Variants in AEBP2 observed in about 807,000 individuals in gnomAD.
The protein encoded by AEBP2 is zinc finger protein AEBP2.
AEBP2 carries 10 observed loss-of-function variants against 50.8 expected under a neutral mutation model. The observed-to-expected ratio is 0.20, with a 90% confidence interval of 0.12 to 0.33. The LOEUF is 0.33. Ranked by LOEUF, AEBP2 falls within the 10% of genes least tolerant of loss-of-function variation. AEBP2 has a pLI of 1.00. For missense variants in AEBP2, 570 were observed against 688.0 expected, an observed-to-expected ratio of 0.83 and a Z score of 1.92; for synonymous variants, 296 against 261.3, an observed-to-expected ratio of 1.13 and a Z score of -1.28.
chr12:19,510,169 A>T (rs1949213607), intron 5 of AEBP2, among the ~76,000 whole-genome samples: 1 of 152,216 alleles, frequency 6.6e-6, no homozygotes. Context: ...TTCTCCATTT[A>T]TTGGAAATGT....
At chr12:19,491,750 CTG>C (rs1948896998) in intron 3 of AEBP2, among the ~76,000 whole-genome samples, 1 of 151,900 alleles carries the variant, frequency 6.6e-6, no homozygotes. Context: ...AAACATATAA[CTG>C]TTCTGCTAAT....
At chr12:19,417,340 C>T (rs192947342) in intron 1 of AEBP2, among the ~76,000 whole-genome samples, 37 of 152,232 alleles carry the variant, frequency 2.4e-4, no homozygotes, top group African/African-American at 8.2e-4. Context: ...CTGTGATGTT[C>T]TTAAAAGAAT....
At chr12:19,424,260 G>GA (rs1313552215) in intron 1 of AEBP2, among the ~76,000 whole-genome samples, 3 of 152,180 alleles carry the variant, frequency 2.0e-5, no homozygotes, top group Non-Finnish European at 4.4e-5. Context: ...ATGCAACACA[G>GA]AAAAGACTTG....
rs1318683428 is a variant in AEBP2, at chr12:19,417,148, A to T, written c.-17+12932A>T. Among the ~76,000 whole-genome samples, 4 of 152,186 alleles carry T rather than the reference A, an allele frequency of 2.6e-5. No individual in the cohort carries two copies. The East Asian group carries it at 7.8e-4, about 30-fold the overall frequency. ...CAGCCTCCCAAAGTGCTGGGATTAC[A>T]GGCGTAAACCACTGCGCCCGGCCCC... On this transcript the variant is annotated intron_variant, in intron 1 of 3. Transcript: ENST00000538425.
intron 1 of AEBP2, among the ~76,000 whole-genome samples, chr12:19,414,039 G>A (rs1342245692): frequency 7.9e-5 from 12 of 151,824 alleles, no homozygotes; most frequent in South Asian, 2.1e-4. Flanking sequence ...GATTACAGGC[G>A]CCTGCCATCG....
intron 3 of AEBP2, among the ~76,000 whole-genome samples, chr12:19,476,414 T>C (rs894192137): frequency 6.6e-6 from 1 of 152,178 alleles, no homozygotes; most frequent in African/African-American, 2.4e-5. Context: ...TGATCTTGAC[T>C]TACTGCAACC....
Position 19,440,936 on chromosome 12 carries a change from G to A in AEBP2, c.671+566G>A, listed in dbSNP as rs1947946774. Among the ~76,000 whole-genome samples the A allele has an allele frequency of 2.0e-5, 3 of 152,202 alleles. No homozygotes were observed. The South Asian group carries it at 6.2e-4, about 31-fold the overall frequency. On this transcript the variant is annotated intron_variant, in intron 1 of 7. Transcript: ENST00000266508. ...AAATCCCTCATTTGTAGTCAGTCAT[G>A]TGGTCTCCAACGTGATTTTAACAAT...
At chr12:19,410,437 A>G (rs1443976229) in intron 1 of AEBP2, among the ~76,000 whole-genome samples, 2 of 152,114 alleles carry the variant, frequency 1.3e-5, no homozygotes, top group Admixed American at 6.6e-5. Context: ...CTGTCTGCCA[A>G]ATGGTGTAGA....
At chr12:19,494,117 T>A in intron 4 of AEBP2, 131 bp downstream of exon 4, 1 of 980,174 alleles carries the variant, frequency 1.0e-6, no homozygotes, top group Non-Finnish European at 1.5e-6. Context: ...TGCCTGTCTG[T>A]CAGTGAGAGT....
intron 3 of AEBP2, among the ~76,000 whole-genome samples, chr12:19,489,989 A>AAT (rs1322704249): frequency 2.1e-5 from 2 of 95,372 alleles, no homozygotes; most frequent in African/African-American, 4.2e-5. Flanking sequence ...ATTAAAATAA[A>AAT]CTTTTTTTTT....
intron 3 of AEBP2, among the ~76,000 whole-genome samples, chr12:19,486,507 A>G (rs1470346103): frequency 2.6e-5 from 4 of 151,878 alleles, no homozygotes; most frequent in African/African-American, 4.8e-5. Flanking sequence ...TACTCATACT[A>G]CAGTCTCCCA....
rs373375088 is a variant in AEBP2, at chr12:19,493,715, G to A, written c.988-85G>A. 155 of 1,303,108 alleles carry A rather than the reference G, an allele frequency of 1.2e-4. 1 individual carries two copies. In the Middle Eastern group the frequency reaches 1.8e-3, roughly 15 times the overall value. 80.7% of individuals were successfully genotyped at this position (1,303,108 alleles called of 1,614,324 possible). On this transcript the variant is annotated intron_variant, in intron 3 of 7. Transcript: ENST00000266508. ...TCTATTGTACTACTTATTTACTTCC[G>A]AAAATACTAGATATTCACTCATTGA...
At chr12:19,508,467 G>A (rs1949186130) in intron 5 of AEBP2, among the ~76,000 whole-genome samples, 1 of 152,150 alleles carries the variant, frequency 6.6e-6, no homozygotes, top group Non-Finnish European at 1.5e-5. Flanking sequence ...TTTTGTTTGG[G>A]TGGTTGGAAC....
intron 1 of AEBP2, chr12:19,457,409 A>G (rs372809017): frequency 6.7e-7 from 1 of 1,484,992 alleles, no homozygotes. Context: ...TGCTGTTCTC[A>G]AATTTCCACA....
At chr12:19,500,991 C>G (rs562844560) in intron 5 of AEBP2, among the ~76,000 whole-genome samples, 13 of 152,222 alleles carry the variant, frequency 8.5e-5, no homozygotes, top group African/African-American at 3.1e-4. Flanking sequence ...GTAGATCATA[C>G]TTTTGGTGAT....
chr12:19,473,550 C>T (rs554931316), intron 3 of AEBP2, among the ~76,000 whole-genome samples, 195 bp downstream of exon 3: 15 of 152,116 alleles, frequency 9.9e-5, no homozygotes, highest in Middle Eastern at 3.4e-3. Flanking sequence ...GGACTACAGG[C>T]GTGTGCCACC....
At chr12:19,426,955 G>T (rs1031757831) in intron 1 of AEBP2, among the ~76,000 whole-genome samples, 1 of 152,086 alleles carries the variant, frequency 6.6e-6, no homozygotes, top group Admixed American at 6.6e-5. Context: ...GACGTTTCTG[G>T]AAGAGATTAG....
At chr12:19,413,070 T>C in intron 1 of AEBP2, 1 of 552,104 alleles carries the variant, frequency 1.8e-6, no homozygotes, top group Non-Finnish European at 3.3e-6. Context: ...CCAAGCACAG[T>C]CTCAGCTTTT....
In AEBP2 at chr12:19,444,505, G is replaced by A. The variant is rs1000029055; in HGVS notation, c.671+4135G>A. ...TCCAGCACTTTGGGAGGCCGAGGAGGGCAGATCACATGAGGTCAGGAGACT... is the reference window on the plus strand; with the variant it reads ...TCCAGCACTTTGGGAGGCCGAGGAGAGCAGATCACATGAGGTCAGGAGACT... On this transcript the variant is annotated intron_variant, in intron 1 of 7. Transcript: ENST00000266508. Among the ~76,000 whole-genome samples the A allele has an allele frequency of 1.8e-4, 28 of 152,192 alleles. 1 individual carries two copies. The highest frequency in any genetic ancestry group is 5.9e-5 in the Non-Finnish European group (4 of 68,034).
Sources: allele counts gnomAD v4.1 joint callset (sites outside exome capture counted in the v4.1 genomes callset), GRCh38; gene constraint gnomAD v4.1.1; transcripts MANE v1.5; gene names NCBI Gene and HGNC (gene_info 2026-07-23, HGNC 2026-07-21).